GPD2: variants seen among roughly 807,000 people sequenced by gnomAD.
The protein encoded by GPD2 is glycerol-3-phosphate dehydrogenase 2, also known as glycerol-3-phosphate dehydrogenase, mitochondrial.
Under a neutral mutation model 82.4 loss-of-function variants are expected in GPD2, and 54 were observed. The ratio of observed to expected loss-of-function variants is 0.66; its 90% CI spans 0.53 to 0.82. The LOEUF (loss-of-function observed/expected upper bound fraction) is 0.82. GPD2 is among the 40% of genes least tolerant of loss of function. The pLI, the probability that GPD2 is intolerant of heterozygous loss-of-function variation, is 0.00. For missense variants in GPD2, 748 were observed against 896.2 expected (o/e 0.83, Z 2.11); for synonymous variants, 288 against 306.1 (o/e 0.94, Z 0.62).
intron 6 of GPD2, among the ~76,000 whole-genome samples, chr2:156,514,628 T>C (rs1288983057): frequency 2.0e-5 from 3 of 151,974 alleles, no homozygotes; most frequent in Admixed American, 6.6e-5. Context: ...ATGCAAAAAG[T>C]ATATGTACAG....
At chr2:156,536,874 A>C (rs1686104442) in intron 6 of GPD2, among the ~76,000 whole-genome samples, 1 of 152,234 alleles carries the variant, frequency 6.6e-6, no homozygotes, top group Admixed American at 6.5e-5. Context: ...AGTCAAATGC[A>C]TGACAGTATC....
intron 6 of GPD2, among the ~76,000 whole-genome samples, chr2:156,537,239 G>C (rs1443094784): frequency 6.6e-6 from 1 of 152,172 alleles, no homozygotes; most frequent in Non-Finnish European, 1.5e-5. Context: ...GATTGACTTA[G>C]GATTGACTCA....
chr2:156,444,439 G>T (rs893444630), intron 1 of GPD2, among the ~76,000 whole-genome samples: 1 of 152,162 alleles, frequency 6.6e-6, no homozygotes, highest in Non-Finnish European at 1.5e-5. Context: ...TCCGCAGGGG[G>T]CAGTGGCTCA....
chr2:156,508,165 G>T (rs1419601726), intron 3 of GPD2, among the ~76,000 whole-genome samples: 3 of 151,996 alleles, frequency 2.0e-5, no homozygotes, highest in Admixed American at 2.0e-4. Context: ...CTGTGGCTCT[G>T]CATCCCTCAT....
chr2:156,418,183 C>G, the GPD2 span, among the ~76,000 whole-genome samples: 1 of 151,738 alleles, frequency 6.6e-6, no homozygotes. Context: ...CCACTGCACT[C>G]TAGCCTAAGT....
chr2:156,493,340 AGT>A (rs1183647253), intron 2 of GPD2, among the ~76,000 whole-genome samples: 2 of 152,042 alleles, frequency 1.3e-5, no homozygotes, highest in African/African-American at 4.8e-5. Context: ...AATTAGGGTG[AGT>A]GTGAGGAGTA....
intron 6 of GPD2, among the ~76,000 whole-genome samples, chr2:156,534,443 G>A (rs1431454648): frequency 1.3e-5 from 2 of 152,200 alleles, no homozygotes; most frequent in Admixed American, 1.3e-4. Context: ...AGGCTTGAGG[G>A]TGGGGCCTTT....
At chr2:156,534,251 C>CCTG (rs3086040) in intron 6 of GPD2, among the ~76,000 whole-genome samples, 1 of 151,668 alleles carries the variant, frequency 6.6e-6, no homozygotes. Context: ...TCTCTTCTCT[C>CCTG]CTCTGCTGTG....
intron 6 of GPD2, among the ~76,000 whole-genome samples, chr2:156,517,798 T>C (rs1336900771): frequency 6.6e-6 from 1 of 152,208 alleles, no homozygotes; most frequent in Non-Finnish European, 1.5e-5. Flanking sequence ...TCTTTGTGGC[T>C]ATTCTAGTTA....
intron 1 of GPD2, among the ~76,000 whole-genome samples, chr2:156,471,794 CAG>C (rs1239635176): frequency 1.3e-5 from 2 of 152,092 alleles, no homozygotes; most frequent in African/African-American, 2.4e-5. Flanking sequence ...AGTTATAAGA[CAG>C]AGTGCAGAGT....
intron 9 of GPD2, among the ~76,000 whole-genome samples, chr2:156,567,306 T>C (rs536441166): frequency 6.6e-6 from 1 of 152,196 alleles, no homozygotes; most frequent in East Asian, 1.9e-4. Flanking sequence ...TCTTATATGT[T>C]TTCTTCTGAG....
intron 1 of GPD2, among the ~76,000 whole-genome samples, chr2:156,469,517 C>T (rs1268826374): frequency 2.6e-5 from 4 of 152,144 alleles, no homozygotes; most frequent in Non-Finnish European, 5.9e-5. Context: ...ATATGTACCA[C>T]ATTTTTGTTA....
intron 1 of GPD2, among the ~76,000 whole-genome samples, chr2:156,442,533 T>C (rs1682210852): frequency 6.6e-6 from 1 of 152,196 alleles, no homozygotes; most frequent in Admixed American, 6.5e-5. Flanking sequence ...GGATATTGGC[T>C]AAGTGTTGGC....
At chr2:156,452,722 G>A (rs1682658098) in intron 1 of GPD2, among the ~76,000 whole-genome samples, 1 of 152,240 alleles carries the variant, frequency 6.6e-6, no homozygotes, top group Non-Finnish European at 1.5e-5. Flanking sequence ...ATTAAGTAGA[G>A]AAGAGGAGCT....
intron 1 of GPD2, among the ~76,000 whole-genome samples, chr2:156,455,041 C>T (rs1002502344): frequency 6.6e-6 from 1 of 151,962 alleles, no homozygotes; most frequent in African/African-American, 2.4e-5. Flanking sequence ...GAGGGGTCTT[C>T]TGTTTGAAGG....
the GPD2 span, among the ~76,000 whole-genome samples, chr2:156,417,765 C>T: frequency 6.6e-6 from 1 of 152,086 alleles, no homozygotes; most frequent in Admixed American, 6.6e-5. Context: ...TGCCTGTAGT[C>T]TCAGCTACTT....
chr2:156,527,978 G>T (rs1239638906), intron 6 of GPD2, among the ~76,000 whole-genome samples: 1 of 152,050 alleles, frequency 6.6e-6, no homozygotes, highest in Non-Finnish European at 1.5e-5. Context: ...CGTGTGCAAA[G>T]CATTGTACTT....
the GPD2 span, among the ~76,000 whole-genome samples, chr2:156,405,895 A>G: frequency 6.6e-6 from 1 of 152,218 alleles, no homozygotes; most frequent in East Asian, 1.9e-4. Flanking sequence ...AAGTTGCATC[A>G]TAGCACCTTG....
chr2:156,511,000 T>C, intron 4 of GPD2, 80 bp downstream of exon 4: 2 of 1,207,450 alleles, frequency 1.7e-6, no homozygotes, highest in East Asian at 2.3e-5. Flanking sequence ...TTTTTTTCTT[T>C]AATGGCTTAA....
Sources: gnomAD v4.1 joint callset for allele counts (sites outside exome capture counted in the v4.1 genomes callset) on GRCh38, gnomAD v4.1.1 for gene constraint, MANE v1.5 for transcripts, NCBI Gene and HGNC (gene_info 2026-07-23, HGNC 2026-07-21) for gene names.